The following BARX2 variants were observed in gnomAD, a reference collection of about 807,000 sequenced individuals.
The protein encoded by BARX2 is BARX homeobox 2, also known as homeobox protein BarH-like 2.
BARX2 carries 11 observed loss-of-function variants against 25.5 expected under a neutral mutation model. The observed-to-expected ratio is 0.43, with a 90% confidence interval of 0.27 to 0.71. BARX2 has a LOEUF of 0.71. Among genes scored for constraint, BARX2 ranks in the 30% least tolerant of loss-of-function variants. BARX2 has a pLI of 0.19. For missense variants in BARX2, 360 were observed against 359.9 expected (o/e 1.00, Z 0.00); for synonymous variants, 137 against 149.5 (o/e 0.92, Z 0.61).
chr11:129,424,399 G>A (rs76427911), intron 1 of BARX2, among the ~76,000 whole-genome samples: 14,415 of 152,132 alleles, frequency 0.095, 754 homozygotes, highest in Middle Eastern at 0.15. Flanking sequence ...CACCTCGAGC[G>A]TCTTGAGTCT....
chr11:129,375,802 T>A (rs2135379780), upstream of BARX2: 1 of 153,594 alleles, frequency 6.5e-6, no homozygotes, highest in East Asian at 1.9e-4. The surrounding 1 kb of genome is among the most constrained non-coding windows in gnomAD (Gnocchi z 4.0). Context: ...CTCGCGCTGA[T>A]TGACAGCTGC....
chr11:129,376,126 C>A lies in BARX2; in HGVS notation c.91C>A (p.Leu31Ile). 1 of 1,613,458 alleles carries A rather than the reference C, an allele frequency of 6.2e-7. No homozygotes were observed. The highest frequency in any genetic ancestry group is 1.1e-5 in the South Asian group (1 of 90,994). The change falls in exon 1 of 4, where the codon CTC becomes ATC. Residue 31 changes from leucine to isoleucine, a missense_variant. This residue lies in a region of BARX2 where 240 missense variants were observed against 228.7 expected (regional missense o/e 1.05). Coordinates refer to ENST00000281437, the MANE Select transcript of BARX2 (RefSeq NM_003658.5). This position sits in a 1 kb window ranked among gnomAD's most constrained non-coding sequence, Gnocchi z 4.2. ...CAAGACTTTCATGATCGACGAGATCCTCTCCAAGGAGACCTGCGATTACTT... is the reference window on the plus strand; with the variant it reads ...CAAGACTTTCATGATCGACGAGATCATCTCCAAGGAGACCTGCGATTACTT... ...RYKTFMIDEI[L>I]SKETCDYFEK...
At chr11:129,404,194 G>C (rs935608455) in intron 1 of BARX2, among the ~76,000 whole-genome samples, 2 of 152,182 alleles carry the variant, frequency 1.3e-5, no homozygotes, top group Non-Finnish European at 2.9e-5. Flanking sequence ...TTTTGGTCAC[G>C]GTTCTGAATG....
At chr11:129,407,881 C>T (rs1052087521) in intron 1 of BARX2, among the ~76,000 whole-genome samples, 3 of 151,772 alleles carry the variant, frequency 2.0e-5, no homozygotes, top group African/African-American at 7.3e-5. Flanking sequence ...AGAGAAGCAC[C>T]CTGGAGGATT....
chr11:129,403,032 G>A (rs1004322421), intron 1 of BARX2, among the ~76,000 whole-genome samples: 1 of 152,240 alleles, frequency 6.6e-6, no homozygotes, highest in Non-Finnish European at 1.5e-5. Context: ...TGGAGAAGTA[G>A]GCATGTAGTA....
chr11:129,422,142 G>A (rs1453421041), intron 1 of BARX2, among the ~76,000 whole-genome samples: 1 of 152,012 alleles, frequency 6.6e-6, no homozygotes, highest in Non-Finnish European at 1.5e-5. Context: ...TCTTTCCCAA[G>A]TGCTAGCTTT....
chr11:129,448,920 G>A (rs1410884401), intron 3 of BARX2, among the ~76,000 whole-genome samples: 1 of 152,182 alleles, frequency 6.6e-6, no homozygotes, highest in Non-Finnish European at 1.5e-5. Context: ...CTAAGTGAAA[G>A]AAGCCAGTCA....
intron 3 of BARX2, among the ~76,000 whole-genome samples, chr11:129,445,766 C>T (rs561250198): frequency 2.0e-5 from 3 of 152,238 alleles, no homozygotes; most frequent in Non-Finnish European, 4.4e-5. Flanking sequence ...TATTATTTCA[C>T]GGAGCGGTCA....
At position 129,417,190 on chromosome 11, in the gene BARX2, C is replaced by T. The variant is rs537039384; in HGVS notation, c.188-19561C>T. ...TGCTGGGACTACAGGTGTGAGCCAC[C>T]GTGCCTGGCCCAGTGTCTTTATTTT... is the stretch of plus-strand genomic sequence containing the variant. On this transcript the variant is annotated intron_variant, in intron 1 of 3. Coordinates refer to ENST00000281437, the MANE Select transcript of BARX2 (RefSeq NM_003658.5). Among the ~76,000 whole-genome samples, 19 of 152,230 alleles carry T rather than the reference C, an allele frequency of 1.2e-4. No individual in the cohort carries two copies. The South Asian group carries it at 2.9e-3, about 23-fold the overall frequency.
chr11:129,415,174 A>G (rs539633694), intron 1 of BARX2, among the ~76,000 whole-genome samples: 17 of 152,312 alleles, frequency 1.1e-4, no homozygotes, highest in African/African-American at 4.1e-4. Context: ...TCCCTATGAT[A>G]GGTCCTGTAA....
intron 1 of BARX2, among the ~76,000 whole-genome samples, chr11:129,377,303 A>G (rs1470062261): frequency 2.0e-5 from 3 of 152,230 alleles, no homozygotes; most frequent in Non-Finnish European, 4.4e-5. Context: ...AATGCGTGGA[A>G]TCCTGTATTT....
chr11:129,434,822 T>C (rs1862170581), intron 1 of BARX2, among the ~76,000 whole-genome samples: 1 of 152,216 alleles, frequency 6.6e-6, no homozygotes, highest in Non-Finnish European at 1.5e-5. Flanking sequence ...TATGAATGCC[T>C]ATTTCCCCGT....
chr11:129,449,927 T>G (rs1174732592), intron 3 of BARX2, among the ~76,000 whole-genome samples: 2 of 152,086 alleles, frequency 1.3e-5, no homozygotes, highest in Non-Finnish European at 2.9e-5. Context: ...GAGGAAGGCT[T>G]CCAGGAGAAG....
intron 3 of BARX2, 114 bp from the exon 4 acceptor site, chr11:129,451,022 C>T: frequency 2.9e-6 from 4 of 1,368,276 alleles, no homozygotes. Context: ...CCAAATCCTG[C>T]AATTTCACTG....
intron 2 of BARX2, among the ~76,000 whole-genome samples, chr11:129,440,969 G>T (rs976468824): frequency 2.0e-5 from 3 of 152,210 alleles, no homozygotes; most frequent in African/African-American, 7.2e-5. Flanking sequence ...TGCTGCATTC[G>T]AAGTCCACAC....
rs551321584 is a variant in BARX2 at position 129,423,151 on chromosome 11, C to G, written c.188-13600C>G. On this transcript the variant is annotated intron_variant, in intron 1 of 3. Transcript: ENST00000281437. ...TTTTTTCCCAAGACGGAGTCTTGCTCTGTCACCCAGGCTGGAGTGTAATGG... is the reference window on the plus strand; with the variant it reads ...TTTTTTCCCAAGACGGAGTCTTGCTGTGTCACCCAGGCTGGAGTGTAATGG... 5.5e-5 allele frequency among the ~76,000 whole-genome samples: 8 copies of G among 146,572 alleles called. No homozygotes were observed. The South Asian group carries it at 1.5e-3, about 28-fold the overall frequency.
At chr11:129,389,079 G>A (rs1043878523) in intron 1 of BARX2, among the ~76,000 whole-genome samples, 2 of 151,312 alleles carry the variant, frequency 1.3e-5, no homozygotes, top group South Asian at 2.1e-4. Flanking sequence ...TCTATGACAC[G>A]TAATTTCCTC....
chr11:129,391,996 A>G (rs576357716), intron 1 of BARX2, among the ~76,000 whole-genome samples: 178 of 152,322 alleles, frequency 1.2e-3, no homozygotes, highest in African/African-American at 4.1e-3. Flanking sequence ...AAGTTACACA[A>G]TCACATCGCC....
chr11:129,401,231 G>A (rs1258780978), intron 1 of BARX2, among the ~76,000 whole-genome samples: 1 of 152,142 alleles, frequency 6.6e-6, no homozygotes, highest in Non-Finnish European at 1.5e-5. Context: ...AAGAAACTTG[G>A]CTAAGGTAGG....
Sources: allele counts gnomAD v4.1 joint callset (sites outside exome capture counted in the v4.1 genomes callset), GRCh38; gene constraint gnomAD v4.1.1; regional missense constraint gnomAD v4.1.1; non-coding constraint Gnocchi (gnomAD v3.1); transcripts MANE v1.5; gene names NCBI Gene and HGNC (gene_info 2026-07-23, HGNC 2026-07-21).